GRM8: variants seen among roughly 807,000 people sequenced by gnomAD.
GRM8 encodes the protein metabotropic glutamate receptor 8.
In GRM8, 47 loss-of-function variants were observed where a neutral mutation model predicts 87.2. The ratio of observed to expected loss-of-function variants is 0.54; its 90% CI spans 0.43 to 0.69. The LOEUF (loss-of-function observed/expected upper bound fraction) is 0.69. Among genes scored for constraint, GRM8 ranks in the 30% least tolerant of loss-of-function variants. The probability of loss-of-function intolerance (pLI) is 0.00; values close to 1 mark genes in which losing one functional copy is unlikely to be tolerated. For synonymous variants in GRM8, 396 were observed against 404.5 expected, an observed-to-expected ratio of 0.98 and a Z score of 0.25; for missense variants, 1,019 against 1,139.2, an observed-to-expected ratio of 0.89 and a Z score of 1.52.
At chr7:126,636,646 T>A (rs1801887500) in intron 7 of GRM8, among the ~76,000 whole-genome samples, 1 of 151,924 alleles carries the variant, frequency 6.6e-6, no homozygotes, top group African/African-American at 2.4e-5. Context: ...AAAAACAAAA[T>A]CAGAGACCAT....
intron 2 of GRM8, among the ~76,000 whole-genome samples, chr7:127,113,962 T>C (rs1327814256): frequency 6.6e-6 from 1 of 151,818 alleles, no homozygotes; most frequent in Non-Finnish European, 1.5e-5. Context: ...GCTTTCATGC[T>C]CCTCCCACCT....
At position 126,660,196 on chromosome 7, in the gene GRM8, T is replaced by C. The variant is rs115615826; in HGVS notation, c.1358-50698A>G. On this transcript the variant is annotated intron_variant, in intron 7 of 10. Coordinates refer to ENST00000339582, the MANE Select transcript of GRM8 (RefSeq NM_000845.3). ...TAAAAGCGTGGGGACTGGAAGCCAT[T>C]CCTAACACTGACCTTAATCTTATGA... Among the ~76,000 whole-genome samples, 274 of 152,302 alleles carry C rather than the reference T, an allele frequency of 1.8e-3. 2 individuals carry two copies. The highest frequency in any genetic ancestry group is 6.4e-3 in the African/African-American group (264 of 41,570).
rs778635438 is a variant in GRM8, at chr7:127,243,163, G to T, written c.42C>A (p.Phe14Leu). ...EGKRSASCPC[F>L]FLLTAKFYWI... ...AGTAGAACTTGGCGGTCAAGAGGAA[G>T]AAACAAGGGCAAGAGGCTGATCGCT... The change falls in exon 2 of 11, where the codon TTC becomes TTA. Residue 14 changes from phenylalanine to leucine, a missense_variant. Physicochemically the swap from Phe to Leu is conservative, Grantham distance 22 (BLOSUM62 0). Transcript: ENST00000339582. 1 of 1,613,030 alleles carries T rather than the reference G, an allele frequency of 6.2e-7. No homozygotes were observed. The highest frequency in any genetic ancestry group is 2.2e-5 in the East Asian group (1 of 44,876).
chr7:127,146,991 C>T (rs1358991648), intron 2 of GRM8, among the ~76,000 whole-genome samples: 1 of 152,076 alleles, frequency 6.6e-6, no homozygotes, highest in African/African-American at 2.4e-5. Flanking sequence ...TGTCTACTCA[C>T]AGCGTAGGAA....
intron 8 of GRM8, among the ~76,000 whole-genome samples, chr7:126,590,413 T>C (rs1373890245): frequency 1.3e-5 from 2 of 152,018 alleles, no homozygotes; most frequent in Non-Finnish European, 2.9e-5. Flanking sequence ...GAATAATTGG[T>C]ATTCCTGAAG....
intron 3 of GRM8, among the ~76,000 whole-genome samples, chr7:126,916,989 C>T (rs1355353288): frequency 6.6e-6 from 1 of 152,144 alleles, no homozygotes; most frequent in Non-Finnish European, 1.5e-5. Context: ...ACGTTTTTAA[C>T]TTTTTGGATT....
intron 7 of GRM8, among the ~76,000 whole-genome samples, chr7:126,650,518 CTT>C (rs765573449): frequency 6.6e-6 from 1 of 152,072 alleles, no homozygotes; most frequent in Non-Finnish European, 1.5e-5. Flanking sequence ...TGGATGTGCA[CTT>C]TGCATGGAAG....
intron 6 of GRM8, among the ~76,000 whole-genome samples, chr7:126,773,860 T>C (rs1433384589): frequency 6.6e-6 from 1 of 152,032 alleles, no homozygotes; most frequent in Non-Finnish European, 1.5e-5. Flanking sequence ...AATTCAACTT[T>C]ATATCCAATA....
chr7:126,602,313 C>T (rs187822467), intron 8 of GRM8, among the ~76,000 whole-genome samples: 3 of 145,706 alleles, frequency 2.1e-5, no homozygotes, highest in African/African-American at 4.9e-5. Context: ...GGTAGCAGTA[C>T]CATGCTGTTT....
chr7:126,672,708 G>T (rs980416011), intron 7 of GRM8, among the ~76,000 whole-genome samples: 1 of 150,510 alleles, frequency 6.6e-6, no homozygotes, highest in African/African-American at 2.4e-5. Flanking sequence ...TATGCAAACT[G>T]GTAAAAGGCC....
At chr7:126,441,687 C>G (rs567671779) in intron 10 of GRM8, among the ~76,000 whole-genome samples, 2 of 152,162 alleles carry the variant, frequency 1.3e-5, no homozygotes, top group African/African-American at 4.8e-5. Flanking sequence ...TCGGAAATAA[C>G]TGACAATCAG....
intron 8 of GRM8, among the ~76,000 whole-genome samples, chr7:126,547,632 A>T (rs960900988): frequency 5.3e-5 from 8 of 152,028 alleles, no homozygotes; most frequent in African/African-American, 1.9e-4. Flanking sequence ...AAATGAAGCA[A>T]AAAAGTTAAT....
At chr7:126,660,275 T>C (rs1215534882) in intron 7 of GRM8, among the ~76,000 whole-genome samples, 3 of 152,208 alleles carry the variant, frequency 2.0e-5, no homozygotes, top group African/African-American at 7.2e-5. Context: ...TTAATTTCTT[T>C]ATCATAAAAC....
intron 3 of GRM8, among the ~76,000 whole-genome samples, chr7:127,067,212 C>T (rs1195877066): frequency 6.6e-6 from 1 of 152,156 alleles, no homozygotes; most frequent in East Asian, 1.9e-4. Context: ...CACATGAGAA[C>T]CTTCAAGAGG....
chr7:126,577,062 A>G (rs750448029), intron 8 of GRM8, among the ~76,000 whole-genome samples: 54 of 152,178 alleles, frequency 3.5e-4, no homozygotes, highest in Non-Finnish European at 6.3e-4. Context: ...AATTTTATCC[A>G]TAACTCACAG....
intron 3 of GRM8, among the ~76,000 whole-genome samples, chr7:126,988,262 T>A (rs181254494): frequency 6.6e-6 from 1 of 152,306 alleles, no homozygotes; most frequent in African/African-American, 2.4e-5. Flanking sequence ...AAAGAACTTG[T>A]CAGTTAAACA....
intron 3 of GRM8, among the ~76,000 whole-genome samples, chr7:126,992,324 G>C (rs114173540): frequency 0.013 from 2,042 of 152,230 alleles, 42 homozygotes; most frequent in African/African-American, 0.047. Flanking sequence ...AAATAAAACT[G>C]TCTTTATTCA....
At chr7:126,522,423 C>T (rs189324064) in intron 9 of GRM8, among the ~76,000 whole-genome samples, 1 of 152,118 alleles carries the variant, frequency 6.6e-6, no homozygotes, top group Non-Finnish European at 1.5e-5. Flanking sequence ...TAAATATACT[C>T]GAATCCCTAG....
chr7:127,009,382 T>TG, intron 3 of GRM8, among the ~76,000 whole-genome samples: 1 of 152,192 alleles, frequency 6.6e-6, no homozygotes, highest in Non-Finnish European at 1.5e-5. Context: ...CATAAGACGC[T>TG]AAAGTGTTAA....
Sources: allele counts gnomAD v4.1 joint callset (sites outside exome capture counted in the v4.1 genomes callset), GRCh38; gene constraint gnomAD v4.1.1; transcripts MANE v1.5; gene names NCBI Gene and HGNC (gene_info 2026-07-23, HGNC 2026-07-21).